GRIK2: variants seen among roughly 807,000 people sequenced by gnomAD.
The protein encoded by GRIK2 is glutamate ionotropic receptor kainate type subunit 2.
Under a neutral mutation model 100.3 loss-of-function variants are expected in GRIK2, and 32 were observed. The ratio of observed to expected loss-of-function variants is 0.32; its 90% CI spans 0.24 to 0.43. The LOEUF (loss-of-function observed/expected upper bound fraction) is 0.43, where lower values mean the gene tolerates loss of function less well. Among genes scored for constraint, GRIK2 ranks in the 20% least tolerant of loss-of-function variants. The pLI, the probability that GRIK2 is intolerant of heterozygous loss-of-function variation, is 1.00. For missense variants in GRIK2, 843 were observed against 1,114.9 expected (o/e 0.76, Z 3.47); for synonymous variants, 417 against 389.4 (o/e 1.07, Z -0.83).
chr6:101,700,053 G>A (rs1301984499), intron 7 of GRIK2, among the ~76,000 whole-genome samples: 4 of 152,010 alleles, frequency 2.6e-5, no homozygotes, highest in Non-Finnish European at 2.9e-5. Flanking sequence ...GGCAGTCTGA[G>A]GTGGGAAGAT....
chr6:101,906,284 C>A (rs575609161), intron 12 of GRIK2, among the ~76,000 whole-genome samples: 2 of 150,910 alleles, frequency 1.3e-5, no homozygotes, highest in South Asian at 2.1e-4. Flanking sequence ...CATTTTTGAC[C>A]CAGGGAATTT....
rs1777115249 is a variant in GRIK2, at chr6:101,563,396, T to G, written c.116-58553T>G. On this transcript the variant is annotated intron_variant, in intron 2 of 16. Transcript: ENST00000369134. Reference sequence around the variant, plus strand: ...AAGCAAATATTTCCAAAAAACATCTTAATAATTCGATTCAGATTTGTTGAA... The same window carrying G: ...AAGCAAATATTTCCAAAAAACATCTGAATAATTCGATTCAGATTTGTTGAA... Among the ~76,000 whole-genome samples the G allele has an allele frequency of 2.0e-5, 3 of 152,214 alleles. No individual in the cohort carries two copies. The South Asian group carries it at 6.2e-4, about 31-fold the overall frequency.
chr6:101,608,081 T>C (rs1056008939), intron 2 of GRIK2, among the ~76,000 whole-genome samples: 2 of 151,894 alleles, frequency 1.3e-5, no homozygotes, highest in South Asian at 2.1e-4. Context: ...AGTACTTGGT[T>C]ATACAAATAA....
At chr6:101,466,872 A>G (rs993571083) in intron 2 of GRIK2, among the ~76,000 whole-genome samples, 2 of 152,192 alleles carry the variant, frequency 1.3e-5, no homozygotes, top group Non-Finnish European at 2.9e-5. Context: ...AATTATAAAC[A>G]TTTACTTTGT....
At chr6:101,671,084 G>A (rs951584591) in intron 4 of GRIK2, among the ~76,000 whole-genome samples, 4 of 152,034 alleles carry the variant, frequency 2.6e-5, no homozygotes, top group African/African-American at 9.7e-5. Context: ...ATTCACCTAG[G>A]GTTGTTATTT....
intron 14 of GRIK2, among the ~76,000 whole-genome samples, chr6:102,006,018 C>T (rs78468809): frequency 8.6e-5 from 13 of 151,916 alleles, no homozygotes; most frequent in African/African-American, 1.7e-4. Flanking sequence ...AGGTGCACTG[C>T]GATGGCCTTA....
In GRIK2 at chr6:101,626,569, G is replaced by T. The variant is rs376865962; in HGVS notation, c.473G>T (p.Arg158Leu). ...SLYPDFSSLS[R>L]AILDLVQFFK... ...TACCCAGACTTCTCTTCACTCAGCCGTGCCATTTTAGACCTGGTGCAGTTT... is the reference window on the plus strand; with the variant it reads ...TACCCAGACTTCTCTTCACTCAGCCTTGCCATTTTAGACCTGGTGCAGTTT... The change falls in exon 4 of 17, where the codon CGT (arginine) becomes CTT (leucine). Residue 158 changes from arginine (R) to leucine (L), a missense_variant. This residue lies in a region of GRIK2 where 519 missense variants were observed against 643.8 expected (regional missense o/e 0.81). Transcript: ENST00000369134. 6.2e-7 allele frequency: 1 copy of T among 1,613,722 alleles called. No homozygotes were observed. The highest frequency in any genetic ancestry group is 2.2e-5 in the East Asian group (1 of 44,806).
intron 7 of GRIK2, among the ~76,000 whole-genome samples, chr6:101,759,810 G>T (rs187609330): frequency 2.6e-5 from 4 of 151,214 alleles, no homozygotes; most frequent in African/African-American, 9.7e-5. Context: ...ATAAAAAAAG[G>T]TTTCTTTAAT....
At chr6:101,716,761 G>A (rs924041862) in intron 7 of GRIK2, among the ~76,000 whole-genome samples, 14 of 151,572 alleles carry the variant, frequency 9.2e-5, no homozygotes, top group Non-Finnish European at 1.5e-4. Context: ...ATAAAACAAA[G>A]CAAAACAAAA....
chr6:101,823,284 A>G (rs1782077335), intron 10 of GRIK2, among the ~76,000 whole-genome samples: 2 of 152,200 alleles, frequency 1.3e-5, no homozygotes, highest in South Asian at 2.1e-4. Flanking sequence ...GACCCAGTAC[A>G]TTGTACGGGT....
intron 12 of GRIK2, among the ~76,000 whole-genome samples, chr6:101,906,221 A>G (rs1287029940): frequency 6.6e-6 from 1 of 151,692 alleles, no homozygotes; most frequent in African/African-American, 2.4e-5. Context: ...TGAAAGCTTG[A>G]CTGTAGTGAT....
At chr6:101,857,685 G>A (rs2128442409) in intron 10 of GRIK2, among the ~76,000 whole-genome samples, 1 of 152,326 alleles carries the variant, frequency 6.6e-6, no homozygotes, top group South Asian at 2.1e-4. Flanking sequence ...GTGAATAGCA[G>A]AACCAATTGT....
At chr6:101,689,875 C>G (rs897978331) in intron 7 of GRIK2, among the ~76,000 whole-genome samples, 1 of 152,112 alleles carries the variant, frequency 6.6e-6, no homozygotes, top group African/African-American at 2.4e-5. Flanking sequence ...TTTCATGCTC[C>G]TAGAGGTGTG....
chr6:101,706,327 A>G (rs762691862), intron 7 of GRIK2, among the ~76,000 whole-genome samples: 32 of 152,104 alleles, frequency 2.1e-4, no homozygotes, highest in Non-Finnish European at 3.7e-4. Context: ...GTCTAAAAAT[A>G]TAACACCCGA....
At chr6:102,020,089 T>C (rs556542367) in intron 14 of GRIK2, among the ~76,000 whole-genome samples, 2 of 151,978 alleles carry the variant, frequency 1.3e-5, no homozygotes, top group Non-Finnish European at 2.9e-5. Context: ...TGTAGAGTCC[T>C]TACAGGAAGT....
intron 10 of GRIK2, among the ~76,000 whole-genome samples, chr6:101,857,716 G>T (rs7761072): frequency 6.6e-6 from 1 of 152,212 alleles, no homozygotes; most frequent in East Asian, 1.9e-4. Context: ...TTTATTCATA[G>T]CAGCACAGTC....
At chr6:101,869,114 T>C (rs1023411920) in intron 11 of GRIK2, among the ~76,000 whole-genome samples, 3 of 151,916 alleles carry the variant, frequency 2.0e-5, no homozygotes, top group African/African-American at 7.3e-5. Flanking sequence ...GTTCATTTAA[T>C]TGAAGCACGT....
intron 2 of GRIK2, among the ~76,000 whole-genome samples, chr6:101,572,656 C>G (rs1168521856): frequency 1.3e-5 from 2 of 151,076 alleles, no homozygotes; most frequent in African/African-American, 4.9e-5. Context: ...ACTTTCTATG[C>G]TGTAGTTCAA....
chr6:102,047,203 G>T (rs1045386744), intron 15 of GRIK2, among the ~76,000 whole-genome samples: 1 of 151,790 alleles, frequency 6.6e-6, no homozygotes, highest in Non-Finnish European at 1.5e-5. Flanking sequence ...AAATAATAAA[G>T]ATCAGAACAG....
Sources: allele counts gnomAD v4.1 joint callset (sites outside exome capture counted in the v4.1 genomes callset), GRCh38; gene constraint gnomAD v4.1.1; regional missense constraint gnomAD v4.1.1; transcripts MANE v1.5; gene names NCBI Gene and HGNC (gene_info 2026-07-23, HGNC 2026-07-21).